Variants in ARHGAP39 observed in about 807,000 individuals in gnomAD.
The protein encoded by ARHGAP39 is rho GTPase-activating protein 39.
A neutral mutation model predicts 106.9 loss-of-function variants in ARHGAP39; 44 were observed. That is an observed-to-expected ratio of 0.41 (90% CI 0.32 to 0.53). The LOEUF is 0.53. Ranked by LOEUF, ARHGAP39 falls within the 20% of genes least tolerant of loss-of-function variation. ARHGAP39 has a pLI of 0.21. For synonymous variants in ARHGAP39, 768 were observed against 693.2 expected (o/e 1.11, Z -1.69); for missense variants, 1,496 against 1,577.3 (o/e 0.95, Z 0.87).
chr8:144,578,795 G>A (rs1290277473), intron 3 of ARHGAP39, among the ~76,000 whole-genome samples: 5 of 152,108 alleles, frequency 3.3e-5, no homozygotes, highest in African/African-American at 4.8e-5. Flanking sequence ...GCTGCAGTGA[G>A]ATTGCACCAC....
At chr8:144,692,748 C>CTTTTTT in the ARHGAP39 span, among the ~76,000 whole-genome samples, 14 of 69,042 alleles carry the variant, frequency 2.0e-4, no homozygotes, top group East Asian at 4.4e-4. Context: ...TTGTAAAATT[C>CTTTTTT]TTTTTTTTTT....
intron 8 of ARHGAP39, 64 bp from the exon 9 acceptor site, chr8:144,533,389 G>C: frequency 6.5e-7 from 1 of 1,529,346 alleles, no homozygotes; most frequent in Non-Finnish European, 8.9e-7. Context: ...CGCCACCCCG[G>C]TTGTCTTCTT....
In ARHGAP39 at chr8:144,547,961, C is replaced by T; in HGVS notation, c.1125G>A (p.Lys375=). The change falls in exon 5 of 12, where the codon AAG becomes AAA. Residue 375 remains lysine (K), a synonymous_variant. Transcript: ENST00000377307. This position sits in a 1 kb window ranked among gnomAD's most constrained non-coding sequence, Gnocchi z 5.2. ...TCAGGAAGCGCTCGGGACACTTCTG[C>T]TTGGTGAGCACCAGCTGCTGGCAGG... The part of the protein sequence containing the change: ...PSPCQQLVLT[K]QKCPERFLSL... 2 of 1,586,062 alleles carry T rather than the reference C, an allele frequency of 1.3e-6. No individual in the cohort carries two copies. Among genetic ancestry groups the T allele is most frequent in the Middle Eastern group, 1.7e-4 (1 of 6,046 alleles).
At chr8:144,575,747 G>A (rs1218093194) in intron 3 of ARHGAP39, among the ~76,000 whole-genome samples, 1 of 152,108 alleles carries the variant, frequency 6.6e-6, no homozygotes, top group Non-Finnish European at 1.5e-5. Context: ...ACATAGTCAC[G>A]TATCATCATC....
In ARHGAP39 at chr8:144,670,522, C is replaced by T. The variant is rs751027883; in HGVS notation, c.-82+15164G>A. ...TCCGGACATAAAAGCCTGGGCAAGG[C>T]TTCAAGAAGACTATTTTGGGTGGGC... On this transcript the variant is annotated intron_variant, in intron 1 of 11. Coordinates refer to ENST00000377307, the MANE Select transcript of ARHGAP39 (RefSeq NM_025251.3). The surrounding 1 kb of genome is among the most constrained non-coding windows in gnomAD (Gnocchi z 4.4). 6.6e-6 allele frequency among the ~76,000 whole-genome samples: 1 copy of T among 152,188 alleles called. No homozygotes were observed. Among genetic ancestry groups the T allele is most frequent in the Non-Finnish European group, 1.5e-5 (1 of 68,036 alleles).
chr8:144,600,314 G>T (rs781229011), intron 2 of ARHGAP39, among the ~76,000 whole-genome samples: 1 of 151,538 alleles, frequency 6.6e-6, no homozygotes, highest in Non-Finnish European at 1.5e-5. Flanking sequence ...GCATGGAGGC[G>T]TGCGTGTGCA....
Position 144,591,370 on chromosome 8 carries a change from G to A in ARHGAP39, c.81-10093C>T. Reference sequence around the variant, plus strand: ...GGAAACCCCAAGAAGGCACCTGCAAGCAGACATCTGCAGGAAACTTGTCTT... The same window carrying A: ...GGAAACCCCAAGAAGGCACCTGCAAACAGACATCTGCAGGAAACTTGTCTT... On this transcript the variant is annotated intron_variant, in intron 2 of 11. Coordinates refer to ENST00000377307, the MANE Select transcript of ARHGAP39 (RefSeq NM_025251.3). The surrounding 1 kb of genome is among the most constrained non-coding windows in gnomAD (Gnocchi z 5.3). 6.6e-6 allele frequency among the ~76,000 whole-genome samples: 1 copy of A among 152,206 alleles called. No homozygotes were observed. The highest frequency in any genetic ancestry group is 1.5e-5 in the Non-Finnish European group (1 of 68,038).
At chr8:144,551,384 C>T (rs1227396049) in intron 4 of ARHGAP39, among the ~76,000 whole-genome samples, 2 of 152,168 alleles carry the variant, frequency 1.3e-5, no homozygotes, top group African/African-American at 2.4e-5. Flanking sequence ...GCCCACATGC[C>T]GATGATCCCG....
intron 1 of ARHGAP39, among the ~76,000 whole-genome samples, chr8:144,632,161 AAC>A (rs1266521754): frequency 1.3e-5 from 2 of 152,122 alleles, no homozygotes; most frequent in Non-Finnish European, 2.9e-5. Flanking sequence ...TTTTTTCTAA[AAC>A]AGTTTCACTG....
At position 144,605,572 on chromosome 8, in the gene ARHGAP39, C is replaced by A; in HGVS notation, c.43G>T (p.Asp15Tyr). 1 of 1,613,920 alleles carries A rather than the reference C, an allele frequency of 6.2e-7. No homozygotes were observed. Among genetic ancestry groups the A allele is most frequent in the Non-Finnish European group, 8.5e-7 (1 of 1,180,032 alleles). ...QDYECRSHNV[D>Y]LPESRIPGSN... is the part of the protein sequence containing the mutation. ...CCTGGAATCCTCGACTCCGGCAGGT[C>A]GACATTATGGCTCCTGCACTCGTAG... The change falls in exon 2 of 12, where the codon GAC becomes TAC. Residue 15 changes from aspartate to tyrosine, a missense_variant. Transcript: ENST00000377307.
At chr8:144,601,268 CTG>C (rs367944544) in intron 2 of ARHGAP39, among the ~76,000 whole-genome samples, 1,928 of 122,324 alleles carry the variant, frequency 0.016, 22 homozygotes, top group Non-Finnish European at 0.02. Flanking sequence ...GCTCGTGAAC[CTG>C]TGTGTGTGCA....
intron 1 of ARHGAP39, among the ~76,000 whole-genome samples, chr8:144,606,761 ACCT>A (rs1232609809): frequency 6.6e-6 from 1 of 151,688 alleles, no homozygotes; most frequent in Non-Finnish European, 1.5e-5. Flanking sequence ...ATGAACCTTG[ACCT>A]CTACCTCATC....
At chr8:144,697,613 G>A in the ARHGAP39 span, among the ~76,000 whole-genome samples, 2 of 151,732 alleles carry the variant, frequency 1.3e-5, no homozygotes, top group African/African-American at 2.4e-5. Context: ...TCCACCTCCC[G>A]AGTTCAGGCA....
At chr8:144,682,883 GAC>G (rs939862552) in intron 1 of ARHGAP39, among the ~76,000 whole-genome samples, 2 of 152,050 alleles carry the variant, frequency 1.3e-5, no homozygotes, top group African/African-American at 4.8e-5. Context: ...CAGGTGTGGT[GAC>G]ACACACCTGT....
At chr8:144,556,217 G>A (rs1011992024) in intron 3 of ARHGAP39, among the ~76,000 whole-genome samples, 24 of 151,558 alleles carry the variant, frequency 1.6e-4, no homozygotes, top group Admixed American at 9.9e-4. Flanking sequence ...CCCGGGAGGC[G>A]GAGCGTGCAG....
intron 9 of ARHGAP39, among the ~76,000 whole-genome samples, chr8:144,532,630 TC>T (rs1269198274): frequency 1.3e-5 from 2 of 152,156 alleles, no homozygotes; most frequent in Admixed American, 1.3e-4. Flanking sequence ...CCACCGTCCC[TC>T]CCTGGACCCC....
intron 1 of ARHGAP39, among the ~76,000 whole-genome samples, chr8:144,624,131 A>G (rs536051997): frequency 5.6e-4 from 85 of 152,290 alleles, no homozygotes; most frequent in Middle Eastern, 3.4e-3. Context: ...CGCTCGTGCT[A>G]AATCAGCCAG....
intron 1 of ARHGAP39, among the ~76,000 whole-genome samples, chr8:144,682,968 G>A (rs1822466226): frequency 6.6e-6 from 1 of 151,968 alleles, no homozygotes; most frequent in Non-Finnish European, 1.5e-5. Flanking sequence ...AGTGAGCCAT[G>A]ATCGCACCAC....
chr8:144,589,826 G>A (rs921821487), intron 2 of ARHGAP39, among the ~76,000 whole-genome samples: 2 of 152,228 alleles, frequency 1.3e-5, no homozygotes, highest in African/African-American at 4.8e-5. Flanking sequence ...TGAGGTGGGG[G>A]CTCAGGCCAG....
Sources: gnomAD v4.1 joint callset for allele counts (sites outside exome capture counted in the v4.1 genomes callset) on GRCh38, gnomAD v4.1.1 for gene constraint, Gnocchi (gnomAD v3.1) non-coding constraint, MANE v1.5 for transcripts, NCBI Gene and HGNC (gene_info 2026-07-23, HGNC 2026-07-21) for gene names.